Variants in SARNP observed in about 807,000 individuals in gnomAD.
SARNP encodes SAP domain-containing ribonucleoprotein.
In SARNP, 5 loss-of-function variants were observed where a neutral mutation model predicts 38.1. The observed-to-expected ratio is 0.13, with a 90% CI of 0.07 to 0.28. The LOEUF is 0.28. SARNP is among the 10% of genes least tolerant of loss of function. The pLI is 1.00. For synonymous variants in SARNP, 84 were observed against 80.6 expected (o/e 1.04, Z -0.23); for missense variants, 180 against 243.9 (o/e 0.74, Z 1.75).
chr12:55,764,886 C>T (rs901983191), intron 9 of SARNP, among the ~76,000 whole-genome samples: 1 of 148,616 alleles, frequency 6.7e-6, no homozygotes, highest in Non-Finnish European at 1.5e-5. Flanking sequence ...AGTCCCACCA[C>T]ATTTTTTACT....
intron 1 of SARNP, among the ~76,000 whole-genome samples, chr12:55,804,718 G>A (rs952926776): frequency 3.3e-5 from 5 of 152,036 alleles, no homozygotes; most frequent in African/African-American, 1.2e-4. Context: ...GAAGCACAAC[G>A]ACATGCTGAC....
intron 1 of SARNP, among the ~76,000 whole-genome samples, chr12:55,815,207 G>C (rs768047185): frequency 6.6e-6 from 1 of 152,160 alleles, no homozygotes; most frequent in Non-Finnish European, 1.5e-5. Flanking sequence ...ACAGGTGTGT[G>C]CCACCATGCC....
At chr12:55,786,433 T>C (rs1879495508) in intron 9 of SARNP, among the ~76,000 whole-genome samples, 1 of 133,614 alleles carries the variant, frequency 7.5e-6, no homozygotes, top group Non-Finnish European at 1.6e-5. Context: ...CAAGTGAGCT[T>C]TGGTTTGTTT....
At chr12:55,796,137 AAT>A in intron 4 of SARNP, 61 bp from the exon 5 acceptor site, 3 of 1,172,200 alleles carry the variant, frequency 2.6e-6, no homozygotes, top group Non-Finnish European at 3.8e-6. Flanking sequence ...CAACCTCAGA[AAT>A]GTGTAAGAAT....
rs201018153 is a variant in SARNP at position 55,759,837 on chromosome 12, A to C, written c.591+714T>G. Among the ~76,000 whole-genome samples the C allele has an allele frequency of 9.2e-5, 14 of 152,202 alleles. No homozygotes were observed. The East Asian group carries it at 2.7e-3, about 29-fold the overall frequency. ...ACTGCAGCCTTGACCTCCTGGGCTT[A>C]AGTGATCCTCCCATCTCAGCCTCCT... On this transcript the variant is annotated intron_variant, in intron 10 of 10. Transcript: ENST00000336133.
chr12:55,800,708 A>C, intron 3 of SARNP, 79 bp from the exon 4 acceptor site: 1 of 1,344,964 alleles, frequency 7.4e-7, no homozygotes, highest in Non-Finnish European at 1.1e-6. Flanking sequence ...CAGAACTCCA[A>C]AATAAACCAG....
At chr12:55,757,610 T>C in intron 10 of SARNP, 57 bp from the exon 11 acceptor site, 3 of 1,418,398 alleles carry the variant, frequency 2.1e-6, no homozygotes, top group Non-Finnish European at 2.9e-6. Flanking sequence ...TTGCCTGGGT[T>C]CCTGGCTGCT....
At chr12:55,813,038 T>C (rs932775885) in intron 1 of SARNP, among the ~76,000 whole-genome samples, 2 of 152,008 alleles carry the variant, frequency 1.3e-5, no homozygotes, top group Non-Finnish European at 2.9e-5. Flanking sequence ...CTCCGCCTCC[T>C]GGGTTCAAGT....
chr12:55,795,038 C>A (rs1879782606), intron 5 of SARNP, among the ~76,000 whole-genome samples, 158 bp from the exon 6 acceptor site: 1 of 151,146 alleles, frequency 6.6e-6, no homozygotes, highest in African/African-American at 2.4e-5. Flanking sequence ...CGGCTCACTG[C>A]AACCTCAGCC....
chr12:55,811,596 CAAACA>C, intron 1 of SARNP, among the ~76,000 whole-genome samples: 1 of 152,024 alleles, frequency 6.6e-6, no homozygotes, highest in East Asian at 1.9e-4. Flanking sequence ...AACAAACAAA[CAAACA>C]AACAAACCAC....
chr12:55,793,143 A>G (rs1565679139), intron 7 of SARNP: 1 of 152,142 alleles, frequency 6.6e-6, no homozygotes, highest in East Asian at 1.9e-4. Flanking sequence ...TTAGCTGGGT[A>G]TGGTGTCACG....
At chr12:55,763,366 C>T (rs1242783875) in intron 9 of SARNP, among the ~76,000 whole-genome samples, 1 of 151,120 alleles carries the variant, frequency 6.6e-6, no homozygotes, top group African/African-American at 2.4e-5. Context: ...GGCTGGAGTG[C>T]AGTGGTGCCA....
rs558440343 is a variant in SARNP, at chr12:55,779,830, C to T, written c.501+9245G>A. On this transcript the variant is annotated intron_variant, in intron 9 of 10. Transcript: ENST00000336133. Reference sequence around the variant, plus strand: ...GTAATTTTAATTTATAAATTAGACACAATAAAAGATTAATAGCAATAATGA... The same window carrying T: ...GTAATTTTAATTTATAAATTAGACATAATAAAAGATTAATAGCAATAATGA... Among the ~76,000 whole-genome samples the T allele has an allele frequency of 5.3e-5, 8 of 152,134 alleles. No homozygotes were observed. In the South Asian group the frequency reaches 1.7e-3, roughly 32 times the overall value.
chr12:55,770,663 T>C (rs976599384), intron 9 of SARNP, among the ~76,000 whole-genome samples: 2 of 152,094 alleles, frequency 1.3e-5, no homozygotes, highest in South Asian at 2.1e-4. Context: ...ACCACAGATA[T>C]TTTCTAAAGT....
At chr12:55,757,574 G>GA in intron 10 of SARNP, 21 bp from the exon 11 acceptor site, 2 of 1,600,048 alleles carry the variant, frequency 1.2e-6, no homozygotes, top group Admixed American at 1.8e-5. Flanking sequence ...GAAGCAAGAA[G>GA]AAAAAAATTA....
rs199532602 is a variant in SARNP at position 55,810,451 on chromosome 12, A to ATT, written c.37-6725_37-6724dup. ...ATTTCTTCTAGTTAACTGACCTTGAATTTTTTTTTTTTTTTTTTGAGACTC... is the reference window on the plus strand; with the variant it reads ...ATTTCTTCTAGTTAACTGACCTTGAATTTTTTTTTTTTTTTTTTTTGAGACTC... On this transcript the variant is annotated intron_variant, in intron 1 of 10. Coordinates refer to ENST00000336133, the MANE Select transcript of SARNP (RefSeq NM_033082.4). Among the ~76,000 whole-genome samples the ATT allele has an allele frequency of 1.6e-4, 22 of 136,052 alleles. 1 individual carries two copies. Among genetic ancestry groups the ATT allele is most frequent in the South Asian group, 9.4e-4 (4 of 4,258 alleles). The allele number at this position is 136,052 out of a possible 152,430, so 89.3% of individuals were successfully genotyped here.
At chr12:55,786,547 T>C (rs1472566911) in intron 9 of SARNP, among the ~76,000 whole-genome samples, 1 of 152,182 alleles carries the variant, frequency 6.6e-6, no homozygotes, top group African/African-American at 2.4e-5. Context: ...CCCTCCGAGT[T>C]CAAGCGATTC....
chr12:55,766,585 C>T (rs1281832214), intron 9 of SARNP, among the ~76,000 whole-genome samples: 2 of 119,452 alleles, frequency 1.7e-5, no homozygotes, highest in African/African-American at 6.5e-5. Flanking sequence ...GAACAGAAAG[C>T]ATAGTCTATA....
intron 8 of SARNP, among the ~76,000 whole-genome samples, chr12:55,790,060 C>A (rs1163109273): frequency 1.3e-5 from 2 of 151,342 alleles, no homozygotes; most frequent in Non-Finnish European, 2.9e-5. Flanking sequence ...GATTCTATTT[C>A]ACCACAGCAT....
Sources: allele counts gnomAD v4.1 joint callset (sites outside exome capture counted in the v4.1 genomes callset), GRCh38; gene constraint gnomAD v4.1.1; transcripts MANE v1.5; gene names NCBI Gene and HGNC (gene_info 2026-07-23, HGNC 2026-07-21).